The following ABHD12 variants were observed in gnomAD, a reference collection of about 807,000 sequenced individuals.
ABHD12 encodes the protein lysophosphatidylserine lipase ABHD12.
ABHD12 carries 43 observed loss-of-function variants against 58.3 expected under a neutral mutation model. That is an observed-to-expected ratio of 0.74 (90% CI 0.58 to 0.95). The LOEUF (loss-of-function observed/expected upper bound fraction) is 0.95. ABHD12 is among the 40% of genes least tolerant of loss of function. ABHD12 has a pLI of 0.00. For missense variants in ABHD12, 539 were observed against 537.2 expected, an observed-to-expected ratio of 1.00 and a Z score of -0.03; for synonymous variants, 219 against 211.2, an observed-to-expected ratio of 1.04 and a Z score of -0.32.
chr20:25,360,227 C>CGTTTTTTT (rs2089726518), intron 1 of ABHD12, among the ~76,000 whole-genome samples: 1 of 37,392 alleles, frequency 2.7e-5, no homozygotes, highest in Admixed American at 4.4e-4. Flanking sequence ...GAACACGTTA[C>CGTTTTTTT]TTTTTTTTTT....
At chr20:25,295,631 C>T (rs200860303), downstream of ABHD12, 7 of 1,614,104 alleles carry the variant, frequency 4.3e-6, no homozygotes, top group East Asian at 2.2e-5. Flanking sequence ...ACTATGAAGC[C>T]TACATGCAGT....
At chr20:25,368,566 G>A (rs2089855942) in intron 1 of ABHD12, 1 of 1,402,718 alleles carries the variant, frequency 7.1e-7, no homozygotes, top group Non-Finnish European at 1.0e-6. Flanking sequence ...CATTATGGGT[G>A]TGAAGTCACC....
At chr20:25,345,826 T>C (rs2089510780) in intron 1 of ABHD12, among the ~76,000 whole-genome samples, 1 of 152,226 alleles carries the variant, frequency 6.6e-6, no homozygotes, top group South Asian at 2.1e-4. Flanking sequence ...TTCTCATTCA[T>C]TCCCAGTGGG....
At chr20:25,351,162 G>A (rs2089596157) in intron 1 of ABHD12, among the ~76,000 whole-genome samples, 2 of 152,112 alleles carry the variant, frequency 1.3e-5, no homozygotes, top group South Asian at 4.2e-4. Context: ...CTAAGTTGGT[G>A]GAAGAAAGGT....
At chr20:25,387,326 C>T (rs756337314) in intron 1 of ABHD12, among the ~76,000 whole-genome samples, 8 of 152,080 alleles carry the variant, frequency 5.3e-5, no homozygotes, top group African/African-American at 9.6e-5. Flanking sequence ...TTTGGGAGGC[C>T]GTGACAGGGA....
intron 6 of ABHD12, among the ~76,000 whole-genome samples, chr20:25,312,856 C>T (rs1470947143): frequency 6.7e-6 from 1 of 150,148 alleles, no homozygotes; most frequent in Non-Finnish European, 1.5e-5. Flanking sequence ...TGAGGAGCGT[C>T]TCCGCCCGGC....
chr20:25,325,203 CAAAAAAAAAA>C (rs376306392), intron 2 of ABHD12, among the ~76,000 whole-genome samples: 1,405 of 76,482 alleles, frequency 0.018, 30 homozygotes, highest in African/African-American at 0.06. Context: ...GACCCTGTTT[CAAAAAAAAAA>C]AAAAAAAAAA....
chr20:25,298,169 G>A (rs937021316), downstream of ABHD12, among the ~76,000 whole-genome samples: 1 of 152,226 alleles, frequency 6.6e-6, no homozygotes, highest in African/African-American at 2.4e-5. Flanking sequence ...CTAGAGCCGG[G>A]GCTGAATTAC....
At chr20:25,368,038 C>G (rs1207375387) in intron 1 of ABHD12, among the ~76,000 whole-genome samples, 2 of 152,202 alleles carry the variant, frequency 1.3e-5, no homozygotes, top group African/African-American at 4.8e-5. Flanking sequence ...GTTCCAATTT[C>G]TCATATCATT....
chr20:25,315,479 A>G (rs2088943539), intron 5 of ABHD12, among the ~76,000 whole-genome samples: 1 of 151,476 alleles, frequency 6.6e-6, no homozygotes, highest in Non-Finnish European at 1.5e-5. Context: ...TCTTTCATTT[A>G]GCTCACTCCT....
At chr20:25,302,854 A>G (rs1225786581) in intron 11 of ABHD12, among the ~76,000 whole-genome samples, 1 of 152,102 alleles carries the variant, frequency 6.6e-6, no homozygotes, top group Non-Finnish European at 1.5e-5. Flanking sequence ...GCCTGACTGC[A>G]TGGGGGCTGT....
intron 2 of ABHD12, among the ~76,000 whole-genome samples, chr20:25,331,715 A>G (rs949422744): frequency 2.8e-4 from 42 of 152,304 alleles, no homozygotes; most frequent in African/African-American, 1.0e-3. Context: ...AAGCTTCATA[A>G]GTGAAGGAAA....
intron 2 of ABHD12, among the ~76,000 whole-genome samples, chr20:25,331,648 A>G (rs1393331126): frequency 6.6e-6 from 1 of 152,190 alleles, no homozygotes; most frequent in African/African-American, 2.4e-5. Flanking sequence ...GGGGGCCAAT[A>G]TTCAACATTC....
At chr20:25,359,443 A>AAAC (rs1242644063) in intron 1 of ABHD12, among the ~76,000 whole-genome samples, 1 of 51,046 alleles carries the variant, frequency 2.0e-5, no homozygotes, top group East Asian at 2.0e-4. Context: ...AAAAAAAAAA[A>AAAC]AACATTTCTA....
rs115599486 is a variant in ABHD12 at position 25,370,301 on chromosome 20, C to G, written c.191+20212G>C. On this transcript the variant is annotated intron_variant, in intron 1 of 12. Transcript: ENST00000339157. The stretch of plus-strand genomic sequence containing the variant: ...GAGCTTCCCAGTCACAACCAAAGCA[C>G]TGGAGGTTGAAGGTGCCAAGACAAT... Among the ~76,000 whole-genome samples, 891 of 152,212 alleles carry G rather than the reference C, an allele frequency of 5.9e-3. 10 individuals are homozygous for G. Among genetic ancestry groups the G allele is most frequent in the African/African-American group, 0.021 (855 of 41,508 alleles).
intron 1 of ABHD12, among the ~76,000 whole-genome samples, chr20:25,389,500 T>C (rs970424256): frequency 3.3e-5 from 5 of 152,146 alleles, no homozygotes; most frequent in East Asian, 1.9e-4. Flanking sequence ...GATCATCATA[T>C]AGTAACTTCT....
At chr20:25,369,927 T>TATAAA (rs1555823532) in intron 1 of ABHD12, among the ~76,000 whole-genome samples, 10 of 91,438 alleles carry the variant, frequency 1.1e-4, no homozygotes, top group Non-Finnish European at 1.6e-4. Context: ...GTCTCTGTTA[T>TATAAA]AAAAAAAAAA....
intron 1 of ABHD12, among the ~76,000 whole-genome samples, chr20:25,359,591 A>T (rs1396922238): frequency 6.6e-6 from 1 of 152,042 alleles, no homozygotes; most frequent in African/African-American, 2.4e-5. Context: ...GTAAGCAGGG[A>T]AAGAATTTTG....
intron 1 of ABHD12, among the ~76,000 whole-genome samples, chr20:25,387,021 T>C (rs577522688): frequency 3.4e-4 from 52 of 152,212 alleles, no homozygotes; most frequent in African/African-American, 1.3e-3. Flanking sequence ...GAAGAAAATC[T>C]CTATGATCAT....
Sources: gnomAD v4.1 joint callset for allele counts (sites outside exome capture counted in the v4.1 genomes callset) on GRCh38, gnomAD v4.1.1 for gene constraint, MANE v1.5 for transcripts, NCBI Gene and HGNC (gene_info 2026-07-23, HGNC 2026-07-21) for gene names.